TIAM2: variants seen among roughly 807,000 people sequenced by gnomAD.
TIAM2 encodes TIAM Rac1 associated GEF 2.
Under a neutral mutation model 152.9 loss-of-function variants are expected in TIAM2, and 80 were observed. The observed-to-expected ratio is 0.52, with a 90% CI of 0.44 to 0.63. TIAM2 has a LOEUF of 0.63. Ranked by LOEUF, TIAM2 falls within the 30% of genes least tolerant of loss-of-function variation. The probability of loss-of-function intolerance (pLI) is 0.00; values close to 1 mark genes in which losing one functional copy is unlikely to be tolerated. For synonymous variants in TIAM2, 804 were observed against 838.0 expected (o/e 0.96, Z 0.70); for missense variants, 1,965 against 2,120.1 (o/e 0.93, Z 1.44).
intron 1 of TIAM2, among the ~76,000 whole-genome samples, chr6:155,074,185 A>T (rs908224896): frequency 1.3e-5 from 2 of 152,220 alleles, no homozygotes; most frequent in Non-Finnish European, 2.9e-5. Flanking sequence ...TCTAATGAAA[A>T]GAAAATTCCT....
intron 1 of TIAM2, among the ~76,000 whole-genome samples, chr6:155,051,563 C>G (rs1253120134): frequency 1.3e-5 from 2 of 152,118 alleles, no homozygotes; most frequent in African/African-American, 4.8e-5. Context: ...AACCTTCATT[C>G]TTTCTTCTAA....
chr6:155,145,071 G>C (rs968159030), intron 6 of TIAM2, among the ~76,000 whole-genome samples: 1 of 152,190 alleles, frequency 6.6e-6, no homozygotes, highest in Non-Finnish European at 1.5e-5. Context: ...TCCTGGAGTA[G>C]CTGGCGATCT....
chr6:155,059,078 A>G (rs1040222063), intron 1 of TIAM2, among the ~76,000 whole-genome samples: 1 of 152,184 alleles, frequency 6.6e-6, no homozygotes, highest in African/African-American at 2.4e-5. Flanking sequence ...CAATAATATT[A>G]ACTAAGCCCC....
At chr6:155,012,732 G>A (rs1352660099) in intron 1 of TIAM2, among the ~76,000 whole-genome samples, 1 of 152,042 alleles carries the variant, frequency 6.6e-6, no homozygotes, top group Non-Finnish European at 1.5e-5. Flanking sequence ...TGTAGTTTTA[G>A]TAGAGATGGG....
At chr6:155,252,043 T>C (rs751752451) in intron 23 of TIAM2, 40 bp downstream of exon 23, 3 of 1,494,386 alleles carry the variant, frequency 2.0e-6, no homozygotes, top group Admixed American at 1.9e-5. Flanking sequence ...TACCTTTTCA[T>C]AGCTGTATCT....
chr6:155,159,124 T>C (rs1053637828), intron 7 of TIAM2, among the ~76,000 whole-genome samples: 2 of 152,212 alleles, frequency 1.3e-5, no homozygotes, highest in Non-Finnish European at 2.9e-5. Flanking sequence ...TGAAGAATTG[T>C]TATAAAATGT....
In TIAM2 at chr6:155,137,443, C is replaced by T. The variant is rs74696233; in HGVS notation, c.1461C>T (p.Ser487=). 5.2e-3 allele frequency: 8,314 copies of T among 1,614,210 alleles called. 45 individuals carry two copies. The highest frequency in any genetic ancestry group is 0.031 in the East Asian group (1,370 of 44,888). The part of the protein sequence containing the change: ...ETSTETAESS[S]ESLSSLEQLD... Reference sequence around the variant, plus strand: ...CTACAGAAACCGCCGAGTCCAGCAGCGAGTCACTCAGCTCTCTGGAACAGC... The same window carrying T: ...CTACAGAAACCGCCGAGTCCAGCAGTGAGTCACTCAGCTCTCTGGAACAGC... Residue 487 remains serine, a synonymous_variant, in exon 5 of 27, where the codon AGC becomes AGT. Coordinates refer to ENST00000682666, the MANE Select transcript of TIAM2 (RefSeq NM_012454.4).
At chr6:155,019,619 TG>T (rs1248795328) in intron 1 of TIAM2, among the ~76,000 whole-genome samples, 3 of 152,220 alleles carry the variant, frequency 2.0e-5, no homozygotes, top group Non-Finnish European at 4.4e-5. Context: ...TGTTGTAGAA[TG>T]GAAGGAACAC....
chr6:155,088,053 T>C lies in TIAM2; in HGVS notation c.-208-2236T>C, dbSNP rs1394952177. 3.0e-3 allele frequency among the ~76,000 whole-genome samples: 376 copies of C among 123,562 alleles called. 1 individual carries two copies. The highest frequency in any genetic ancestry group is 5.1e-3 in the Non-Finnish European group (313 of 61,910). 81.1% of individuals were successfully genotyped at this position (123,562 alleles called of 152,430 possible). A position where few individuals can be genotyped will look rare whatever the true frequency, so the allele number is the denominator to read the frequency against. On this transcript the variant is annotated intron_variant, in intron 1 of 26. Transcript: ENST00000682666. ...AGGTGTATTTCTTTTTCTTTCTTTC[T>C]TTTTTTTTTTTTTTTTTTTGAGACG... is the stretch of plus-strand genomic sequence containing the variant.
chr6:155,250,411 A>G, intron 21 of TIAM2: 1 of 657,078 alleles, frequency 1.5e-6, no homozygotes, highest in Non-Finnish European at 2.4e-6. Flanking sequence ...CTTAATTTAG[A>G]ATCTTGTGCT....
intron 14 of TIAM2, among the ~76,000 whole-genome samples, chr6:155,191,433 GTC>G (rs1424448816): frequency 2.0e-5 from 3 of 152,198 alleles, no homozygotes; most frequent in African/African-American, 7.2e-5. Flanking sequence ...GCCATGCAGT[GTC>G]TCTTCCAGAG....
chr6:155,154,241 A>T (rs1275868756), intron 7 of TIAM2, among the ~76,000 whole-genome samples: 2 of 152,204 alleles, frequency 1.3e-5, no homozygotes, highest in African/African-American at 2.4e-5. Context: ...AAAACCTCAG[A>T]TGTAGTCATT....
At chr6:155,124,119 A>C (rs1779235989) in intron 2 of TIAM2, among the ~76,000 whole-genome samples, 1 of 152,098 alleles carries the variant, frequency 6.6e-6, no homozygotes, top group South Asian at 2.1e-4. Flanking sequence ...TCCCGATTCA[A>C]GCAATTCTCC....
intron 1 of TIAM2, among the ~76,000 whole-genome samples, chr6:155,022,983 G>A (rs574994125): frequency 2.0e-5 from 3 of 151,054 alleles, no homozygotes; most frequent in African/African-American, 4.9e-5. Flanking sequence ...TTCTGTTTTT[G>A]TAGAGAGGTT....
chr6:155,011,985 G>C (rs1778497242), intron 1 of TIAM2, among the ~76,000 whole-genome samples: 1 of 152,094 alleles, frequency 6.6e-6, no homozygotes, highest in Non-Finnish European at 1.5e-5. Context: ...TTCCATGTAG[G>C]AAGAAACTTC....
At chr6:155,002,727 CTGG>C (rs1778332856) in intron 1 of TIAM2, among the ~76,000 whole-genome samples, 1 of 143,102 alleles carries the variant, frequency 7.0e-6, no homozygotes, top group South Asian at 2.2e-4. Flanking sequence ...GTTGCTCAGG[CTGG>C]AGTGCAGTGG....
Position 155,144,787 on chromosome 6 carries a change from G to T in TIAM2, c.1803+9G>T, listed in dbSNP as rs200571362. On this transcript the variant is annotated intron_variant, in intron 6 of 26. Coordinates refer to ENST00000682666, the MANE Select transcript of TIAM2 (RefSeq NM_012454.4). ...ATGTCTACCTTTTCCAGGTACTGCT[G>T]GTACTTTGTAAGTGGAGGTAATAGC... 6.2e-7 allele frequency: 1 copy of T among 1,601,998 alleles called. No homozygotes were observed. Among genetic ancestry groups the T allele is most frequent in the African/African-American group, 1.3e-5 (1 of 74,302 alleles).
At position 155,127,589 on chromosome 6, in the gene TIAM2, A is replaced by G. The variant is rs993894961; in HGVS notation, c.-18A>G. On this transcript the variant is annotated 5_prime_UTR_variant, in exon 3 of 27. Coordinates refer to ENST00000682666, the MANE Select transcript of TIAM2 (RefSeq NM_012454.4). ...ACCACTAACCTCCCTCACAGCAGAA[A>G]CTAGACGTCAGGTAAACCCAACCCT... 1 of 456,038 alleles carries G rather than the reference A, an allele frequency of 2.2e-6. No individual in the cohort carries two copies. The highest frequency in any genetic ancestry group is 4.4e-6 in the Non-Finnish European group (1 of 226,804). The allele number at this position is 456,038 out of a possible 1,614,324, so 28.2% of individuals were successfully genotyped here.
At chr6:155,017,697 G>C (rs1450943388) in intron 1 of TIAM2, among the ~76,000 whole-genome samples, 1 of 151,942 alleles carries the variant, frequency 6.6e-6, no homozygotes, top group South Asian at 2.1e-4. Context: ...TAGAAACGGG[G>C]TTTCACCGTG....
Sources: gnomAD v4.1 joint callset for allele counts (sites outside exome capture counted in the v4.1 genomes callset) on GRCh38, gnomAD v4.1.1 for gene constraint, MANE v1.5 for transcripts, NCBI Gene and HGNC (gene_info 2026-07-23, HGNC 2026-07-21) for gene names.